Variants in SBF2 observed in about 807,000 individuals in gnomAD.
SBF2 encodes the protein SET binding factor 2.
In SBF2, 112 loss-of-function variants were observed where a neutral mutation model predicts 225.2. That is an observed-to-expected ratio of 0.50 (90% CI 0.43 to 0.58). The LOEUF is 0.58. SBF2 is among the 20% of genes least tolerant of loss of function. The pLI, the probability that SBF2 is intolerant of heterozygous loss-of-function variation, is 0.00. For synonymous variants in SBF2, 763 were observed against 773.3 expected (o/e 0.99, Z 0.22); for missense variants, 1,996 against 2,206.2 (o/e 0.90, Z 1.91).
intron 17 of SBF2, among the ~76,000 whole-genome samples, chr11:9,880,202 A>G (rs944266739): frequency 2.6e-5 from 4 of 151,636 alleles, no homozygotes; most frequent in African/African-American, 9.7e-5. Context: ...ACAACAATTC[A>G]CAATCAGAAG....
At chr11:10,244,588 G>A (rs192907921) in intron 1 of SBF2, among the ~76,000 whole-genome samples, 4 of 152,116 alleles carry the variant, frequency 2.6e-5, no homozygotes, top group East Asian at 1.9e-4. Context: ...AACTGCTTTG[G>A]GTATTTGAAT....
At chr11:9,858,066 G>A (rs1362383322) in intron 18 of SBF2, among the ~76,000 whole-genome samples, 160 bp downstream of exon 18, 1 of 152,146 alleles carries the variant, frequency 6.6e-6, no homozygotes, top group Non-Finnish European at 1.5e-5. Context: ...AAAACATAAT[G>A]TCTGAAATCA....
intron 1 of SBF2, among the ~76,000 whole-genome samples, chr11:10,304,480 G>A (rs1014499114): frequency 1.3e-5 from 2 of 152,128 alleles, no homozygotes; most frequent in Non-Finnish European, 2.9e-5. Flanking sequence ...TGTCCCTACC[G>A]TGAAATCTTA....
At position 9,852,738 on chromosome 11, in the gene SBF2, T is replaced by C; in HGVS notation, c.2548A>G (p.Met850Val). ...LHCMIPGIVA[M>V]HIETLEAVHR... is the part of the protein sequence containing the mutation. ...ACTGCTTCTAGGGTCTCAATGTGCA[T>C]AGCTACAATTCCTAGGATGAGTCAG... Residue 850 changes from methionine to valine, a missense_variant, in exon 21 of 40, where the codon ATG (methionine) becomes GTG (valine). Physicochemically the swap from Met to Val is conservative, Grantham distance 21. Transcript: ENST00000256190. 2 of 1,611,416 alleles carry C rather than the reference T, an allele frequency of 1.2e-6. No individual in the cohort carries two copies. The highest frequency in any genetic ancestry group is 1.7e-6 in the Non-Finnish European group (2 of 1,177,618).
rs58223002 is a variant in SBF2 at position 10,072,890 on chromosome 11, AATTATTATT to A, written c.142-29918_142-29910del. On this transcript the variant is annotated intron_variant, in intron 2 of 39. Transcript: ENST00000256190. ...CAGATGCATGACACCACATATGGCT[AATTATTATT>A]ATTATTATTATTATCATCATCATCA... 8.1e-5 allele frequency among the ~76,000 whole-genome samples: 12 copies of A among 148,594 alleles called. No homozygotes were observed. In the East Asian group the frequency reaches 1.6e-3, roughly 20 times the overall value.
In SBF2 at chr11:9,993,978, T is replaced by C. The variant is rs1947552255; in HGVS notation, c.996A>G (p.Glu332=). 1 of 1,213,018 alleles carries C rather than the reference T, an allele frequency of 8.2e-7. No homozygotes were observed. The highest frequency in any genetic ancestry group is 1.5e-5 in the African/African-American group (1 of 67,358). The allele number at this position is 1,213,018 out of a possible 1,614,324, so 75.1% of individuals were successfully genotyped here. A position where few individuals can be genotyped will look rare whatever the true frequency, so the allele number is the denominator to read the frequency against. Residue 332 remains glutamate, a synonymous_variant, in exon 10 of 40, where the codon GAA becomes GAG. Coordinates refer to ENST00000256190, the MANE Select transcript of SBF2 (RefSeq NM_030962.4). ...GAGGAGGAAAAGCATGATCTGCTAC[T>C]TCCAAATCTGGGTGTAAAATCTAAA... ...ALSLILHPDL[E]VADHAFPPPR... is the part of the protein sequence containing the mutation.
intron 2 of SBF2, among the ~76,000 whole-genome samples, chr11:10,063,647 G>A (rs189963564): frequency 2.8e-4 from 43 of 151,670 alleles, no homozygotes; most frequent in Middle Eastern, 3.4e-3. Flanking sequence ...GTGAGCCACC[G>A]CGCCTGGCCA....
intron 2 of SBF2, among the ~76,000 whole-genome samples, chr11:10,182,293 T>G (rs1645329850): frequency 6.6e-6 from 1 of 152,210 alleles, no homozygotes; most frequent in African/African-American, 2.4e-5. Flanking sequence ...CCTAGAGAGA[T>G]GACCTACAGG....
intron 2 of SBF2, among the ~76,000 whole-genome samples, chr11:10,091,250 A>G (rs1046633539): frequency 6.6e-6 from 1 of 152,214 alleles, no homozygotes; most frequent in Non-Finnish European, 1.5e-5. Flanking sequence ...TAAAGGAGCT[A>G]AGACAAGAAA....
chr11:10,298,704 A>C (rs1408272917), upstream of SBF2, among the ~76,000 whole-genome samples: 3 of 151,806 alleles, frequency 2.0e-5, no homozygotes, highest in African/African-American at 7.2e-5. Flanking sequence ...TTAGTTCCCT[A>C]AGCAAGAAAT....
At chr11:9,814,427 CT>C (rs1217877041) in intron 29 of SBF2, among the ~76,000 whole-genome samples, 1 of 151,906 alleles carries the variant, frequency 6.6e-6, no homozygotes, top group East Asian at 1.9e-4. Flanking sequence ...TTTCCTTTGT[CT>C]TAATAATTCT....
At chr11:10,229,709 T>A (rs147958243) in intron 1 of SBF2, among the ~76,000 whole-genome samples, 8,197 of 152,294 alleles carry the variant, frequency 0.054, 312 homozygotes, top group Middle Eastern at 0.14. Flanking sequence ...CTTTTACATT[T>A]GCTGAGCAGT....
intron 2 of SBF2, among the ~76,000 whole-genome samples, chr11:10,138,456 T>C (rs1016720703): frequency 3.3e-5 from 5 of 152,110 alleles, no homozygotes; most frequent in African/African-American, 1.2e-4. Flanking sequence ...TCAATTTCAT[T>C]GATTTCTGTT....
intron 2 of SBF2, among the ~76,000 whole-genome samples, chr11:10,138,399 T>A (rs1954485694): frequency 6.6e-6 from 1 of 152,158 alleles, no homozygotes; most frequent in Non-Finnish European, 1.5e-5. Flanking sequence ...AATTGTATCA[T>A]CCCCTCAAAG....
rs1962962788 is a variant in SBF2 at position 10,276,401 on chromosome 11, G to A, written c.55+17614C>T. On this transcript the variant is annotated intron_variant, in intron 1 of 39. Transcript: ENST00000256190. ...AAGTGGTTGGCCTAGTAAAATAGTTGGAAAAAAAACTGTTTTGGCTGCTCT... is the reference window on the plus strand; with the variant it reads ...AAGTGGTTGGCCTAGTAAAATAGTTAGAAAAAAAACTGTTTTGGCTGCTCT... Among the ~76,000 whole-genome samples the A allele has an allele frequency of 4.6e-5, 7 of 152,122 alleles. No homozygotes were observed. In the South Asian group the frequency reaches 1.5e-3, roughly 32 times the overall value.
chr11:10,259,644 A>T (rs1405031264), intron 1 of SBF2, among the ~76,000 whole-genome samples: 1 of 152,192 alleles, frequency 6.6e-6, no homozygotes, highest in Admixed American at 6.5e-5. Context: ...AATATGTTTG[A>T]TCTTAACAAA....
intron 10 of SBF2, among the ~76,000 whole-genome samples, 155 bp from the exon 11 acceptor site, chr11:9,993,258 T>A (rs1489243284): frequency 6.6e-6 from 1 of 152,164 alleles, no homozygotes; most frequent in Non-Finnish European, 1.5e-5. Flanking sequence ...AAGAAAAAAC[T>A]CTCAAGATTG....
At chr11:10,272,797 G>A (rs896923439) in intron 1 of SBF2, among the ~76,000 whole-genome samples, 14 of 150,668 alleles carry the variant, frequency 9.3e-5, no homozygotes, top group South Asian at 2.1e-4. Context: ...CATGCCGGGC[G>A]CGGTGGCTCC....
intron 2 of SBF2, among the ~76,000 whole-genome samples, chr11:10,083,675 G>A (rs1441701303): frequency 6.6e-6 from 1 of 152,040 alleles, no homozygotes; most frequent in African/African-American, 2.4e-5. Flanking sequence ...AGTGCCATAT[G>A]GAGAAGAATA....
Sources: gnomAD v4.1 joint callset for allele counts (sites outside exome capture counted in the v4.1 genomes callset) on GRCh38, gnomAD v4.1.1 for gene constraint, MANE v1.5 for transcripts, NCBI Gene and HGNC (gene_info 2026-07-23, HGNC 2026-07-21) for gene names.